Variants in GRM1 observed in about 807,000 individuals in gnomAD.
GRM1 encodes the protein glutamate metabotropic receptor 1.
GRM1 carries 33 observed loss-of-function variants against 90.9 expected under a neutral mutation model. The observed-to-expected ratio is 0.36, with a 90% CI of 0.28 to 0.49. The LOEUF (loss-of-function observed/expected upper bound fraction) is 0.49, where lower values mean the gene tolerates loss of function less well. GRM1 is among the 20% of genes least tolerant of loss of function. The probability of loss-of-function intolerance (pLI) is 0.99; values close to 1 mark genes in which losing one functional copy is unlikely to be tolerated. For missense variants in GRM1, 1,190 were observed against 1,534.3 expected, an observed-to-expected ratio of 0.78 and a Z score of 3.75; for synonymous variants, 700 against 613.2, an observed-to-expected ratio of 1.14 and a Z score of -2.09.
intron 3 of GRM1, among the ~76,000 whole-genome samples, chr6:146,346,941 G>A (rs994054532): frequency 1.2e-4 from 18 of 152,130 alleles, no homozygotes; most frequent in African/African-American, 4.3e-4. Flanking sequence ...TTCCCCGAAT[G>A]CTTCCTTGCT....
intron 1 of GRM1, among the ~76,000 whole-genome samples, chr6:146,058,193 C>T (rs1487045217): frequency 1.3e-5 from 2 of 151,970 alleles, no homozygotes; most frequent in Admixed American, 6.6e-5. Flanking sequence ...AAACAGTTTC[C>T]TAAGTTTCTA....
intron 7 of GRM1, among the ~76,000 whole-genome samples, chr6:146,425,896 G>C (rs1430308081): frequency 6.6e-6 from 1 of 152,150 alleles, no homozygotes; most frequent in Non-Finnish European, 1.5e-5. Flanking sequence ...TGTCTAGCTA[G>C]TTCTCTTCTC....
intron 1 of GRM1, among the ~76,000 whole-genome samples, chr6:146,075,612 G>T (rs973781021): frequency 1.3e-5 from 2 of 152,138 alleles, no homozygotes; most frequent in African/African-American, 4.8e-5. Context: ...CCATAACAAA[G>T]TACTACAAAC....
At chr6:146,112,720 TG>T (rs1228682774) in intron 1 of GRM1, among the ~76,000 whole-genome samples, 1 of 152,190 alleles carries the variant, frequency 6.6e-6, no homozygotes, top group Non-Finnish European at 1.5e-5. Context: ...ATTTTTAAAT[TG>T]TCTGCTGTTT....
intron 2 of GRM1, among the ~76,000 whole-genome samples, chr6:146,298,120 A>C (rs1221000707): frequency 6.6e-6 from 1 of 152,110 alleles, no homozygotes; most frequent in Non-Finnish European, 1.5e-5. Context: ...TAACTCATTC[A>C]TTCTCTACAT....
chr6:146,179,687 T>C (rs1422222638), intron 2 of GRM1, among the ~76,000 whole-genome samples: 1 of 152,124 alleles, frequency 6.6e-6, no homozygotes, highest in Non-Finnish European at 1.5e-5. Context: ...CTAATTTATT[T>C]TTTGTATTTT....
chr6:146,030,949 C>G (rs1264434409), intron 1 of GRM1, among the ~76,000 whole-genome samples: 1 of 152,016 alleles, frequency 6.6e-6, no homozygotes, highest in Non-Finnish European at 1.5e-5. Context: ...GTTTTGGTTT[C>G]TAGTCTTTTT....
At chr6:146,217,126 G>A (rs946300531) in intron 2 of GRM1, among the ~76,000 whole-genome samples, 5 of 152,148 alleles carry the variant, frequency 3.3e-5, no homozygotes, top group Admixed American at 1.3e-4. Flanking sequence ...TAATTACCTA[G>A]TTATATTGAT....
intron 1 of GRM1, among the ~76,000 whole-genome samples, chr6:146,149,084 G>A (rs1244891970): frequency 1.3e-5 from 2 of 152,180 alleles, no homozygotes; most frequent in South Asian, 4.1e-4. Context: ...ATAGCTAACT[G>A]AAGTTAGAGA....
intron 1 of GRM1, among the ~76,000 whole-genome samples, chr6:146,048,912 C>A (rs1791428517): frequency 6.6e-6 from 1 of 151,944 alleles, no homozygotes; most frequent in African/African-American, 2.4e-5. Context: ...GCCTCTAGAA[C>A]TGTGAGAGAA....
At chr6:146,238,007 G>T (rs572606474) in intron 2 of GRM1, among the ~76,000 whole-genome samples, 11 of 152,250 alleles carry the variant, frequency 7.2e-5, no homozygotes, top group Admixed American at 7.2e-4. Context: ...ACAAATCACA[G>T]CTGCTAACTA....
At chr6:146,222,395 G>T (rs996591743) in intron 2 of GRM1, among the ~76,000 whole-genome samples, 2 of 152,024 alleles carry the variant, frequency 1.3e-5, no homozygotes, top group Non-Finnish European at 1.5e-5. Flanking sequence ...GTATATTTCT[G>T]TGTGTTTGTG....
intron 7 of GRM1, among the ~76,000 whole-genome samples, chr6:146,408,405 A>G (rs938803903): frequency 1.3e-5 from 2 of 152,174 alleles, no homozygotes; most frequent in African/African-American, 4.8e-5. Context: ...TTCAGTTATA[A>G]AAATGGATAA....
chr6:146,346,274 T>G (rs998551460), intron 3 of GRM1, among the ~76,000 whole-genome samples: 1 of 152,230 alleles, frequency 6.6e-6, no homozygotes, highest in Non-Finnish European at 1.5e-5. Flanking sequence ...AATGATGCAT[T>G]TAGAAAAGTA....
chr6:146,159,633 TC>T (rs1777641030), intron 2 of GRM1, 36 bp downstream of exon 2: 3 of 1,351,262 alleles, frequency 2.2e-6, no homozygotes, highest in Admixed American at 1.8e-5. Context: ...TCTCTCTCTC[TC>T]TCTCTCTCAC....
chr6:146,289,977 G>A (rs751193968), intron 2 of GRM1, among the ~76,000 whole-genome samples: 8 of 152,282 alleles, frequency 5.3e-5, no homozygotes, highest in South Asian at 2.1e-4. Context: ...TACCTGTAGC[G>A]AAGTGTGAAA....
intron 1 of GRM1, among the ~76,000 whole-genome samples, chr6:146,129,382 A>G (rs969053564): frequency 5.3e-5 from 8 of 152,118 alleles, no homozygotes; most frequent in African/African-American, 1.9e-4. Context: ...AAGACAAAGA[A>G]TTCCCGTGTG....
intron 1 of GRM1, among the ~76,000 whole-genome samples, chr6:146,039,003 T>C (rs1790996785): frequency 6.6e-6 from 1 of 152,026 alleles, no homozygotes; most frequent in African/African-American, 2.4e-5. Flanking sequence ...GGTACTACTC[T>C]ACTGGCAGAG....
chr6:146,133,661 A>G (rs1455746341), intron 1 of GRM1, among the ~76,000 whole-genome samples: 1 of 152,198 alleles, frequency 6.6e-6, no homozygotes, highest in East Asian at 1.9e-4. Context: ...AGAGTGTTTG[A>G]TAATGATCTA....
Sources: gnomAD v4.1 joint callset for allele counts (sites outside exome capture counted in the v4.1 genomes callset) on GRCh38, gnomAD v4.1.1 for gene constraint, MANE v1.5 for transcripts, NCBI Gene and HGNC (gene_info 2026-07-23, HGNC 2026-07-21) for gene names.